Variants in AGBL4 observed in about 807,000 individuals in gnomAD.
The protein encoded by AGBL4 is cytosolic carboxypeptidase 6.
Under a neutral mutation model 66.4 loss-of-function variants are expected in AGBL4, and 58 were observed. That is an observed-to-expected ratio of 0.87 (90% confidence interval 0.71 to 1.09). The LOEUF is 1.09. AGBL4 is among the 50% of genes least tolerant of loss of function. AGBL4 has a pLI of 0.00. For missense variants in AGBL4, 579 were observed against 631.0 expected (o/e 0.92, Z 0.88); for synonymous variants, 234 against 222.9 (o/e 1.05, Z -0.44).
At chr1:49,866,862 T>C (rs1177097223) in intron 1 of AGBL4, among the ~76,000 whole-genome samples, 1 of 152,094 alleles carries the variant, frequency 6.6e-6, no homozygotes, top group African/African-American at 2.4e-5. Flanking sequence ...AACTCCTGGA[T>C]TCGCTGTTCC....
chr1:49,192,280 T>A (rs576277658), intron 4 of AGBL4, among the ~76,000 whole-genome samples: 1 of 152,328 alleles, frequency 6.6e-6, no homozygotes, highest in South Asian at 2.1e-4. Context: ...TATATACTTG[T>A]ATGTCAACAT....
intron 3 of AGBL4, among the ~76,000 whole-genome samples, chr1:49,443,614 T>C (rs759171741): frequency 9.2e-5 from 14 of 151,942 alleles, no homozygotes; most frequent in Admixed American, 2.6e-4. Context: ...TTCTGTTCCA[T>C]TGATCTATGT....
chr1:48,829,471 C>T lies in AGBL4; in HGVS notation c.634+37720G>A, dbSNP rs116204974. Among the ~76,000 whole-genome samples the T allele has an allele frequency of 7.9e-3, 1,198 of 152,288 alleles. 9 individuals carry two copies. The highest frequency in any genetic ancestry group is 0.013 in the Non-Finnish European group (894 of 68,030). On this transcript the variant is annotated intron_variant, in intron 6 of 13. Transcript: ENST00000371839. ...CCTTTCCAAAGGCATCATATATCCC[C>T]CCATTACTGAGATAGGAATGTGCAC...
chr1:49,931,451 A>G (rs1571895263), intron 1 of AGBL4, among the ~76,000 whole-genome samples: 1 of 152,142 alleles, frequency 6.6e-6, no homozygotes, highest in East Asian at 1.9e-4. Flanking sequence ...GGTGAAGGGG[A>G]AACAAGGCAC....
At chr1:49,655,742 C>T (rs1002598721) in intron 3 of AGBL4, among the ~76,000 whole-genome samples, 7 of 152,080 alleles carry the variant, frequency 4.6e-5, no homozygotes, top group Admixed American at 3.3e-4. Flanking sequence ...AAAATCTCTT[C>T]AAAAAATCAA....
chr1:49,898,343 G>C (rs186178712), intron 1 of AGBL4, among the ~76,000 whole-genome samples: 14 of 152,166 alleles, frequency 9.2e-5, no homozygotes, highest in Admixed American at 8.5e-4. Context: ...ACATACAAAT[G>C]ACAAGTAGGC....
intron 4 of AGBL4, among the ~76,000 whole-genome samples, chr1:49,056,063 C>T (rs1644302900): frequency 6.6e-6 from 1 of 152,090 alleles, no homozygotes; most frequent in Admixed American, 6.6e-5. Context: ...TAAAAGTGCT[C>T]CTGTCTCAGT....
chr1:49,890,332 GA>G lies in AGBL4; in HGVS notation c.35-38815del, dbSNP rs758123044. On this transcript the variant is annotated intron_variant, in intron 1 of 13. Transcript: ENST00000371839. ...ATAATTGAGTGCCAACTGCAACTCA[GA>G]AAAGTTCTAAGTGTGGAGACAACAG... Among the ~76,000 whole-genome samples, 9 of 152,238 alleles carry G rather than the reference GA, an allele frequency of 5.9e-5. No individual in the cohort carries two copies. In the East Asian group the frequency reaches 1.4e-3, roughly 23 times the overall value.
intron 4 of AGBL4, among the ~76,000 whole-genome samples, chr1:49,200,038 G>A (rs1222519770): frequency 6.6e-6 from 1 of 152,130 alleles, no homozygotes; most frequent in East Asian, 1.9e-4. Flanking sequence ...AGACTTCCAT[G>A]GGGAGACATG....
intron 3 of AGBL4, among the ~76,000 whole-genome samples, chr1:49,291,880 A>G (rs1276516141): frequency 6.6e-6 from 1 of 152,204 alleles, no homozygotes; most frequent in Non-Finnish European, 1.5e-5. Context: ...TCCCAGGTGC[A>G]GCTGCAGATG....
chr1:48,761,360 C>A (rs954925796), intron 6 of AGBL4: 2 of 1,551,824 alleles, frequency 1.3e-6, no homozygotes, highest in African/African-American at 2.7e-5. Context: ...AGCTGTAAAT[C>A]TTCTTCCCCA....
intron 2 of AGBL4, among the ~76,000 whole-genome samples, chr1:49,707,319 T>C (rs1293884222): frequency 6.6e-6 from 1 of 152,084 alleles, no homozygotes; most frequent in East Asian, 1.9e-4. Context: ...TTTTTTATCT[T>C]TGTTGACTTA....
intron 4 of AGBL4, among the ~76,000 whole-genome samples, chr1:49,099,883 A>G (rs1196681147): frequency 1.3e-5 from 2 of 152,178 alleles, no homozygotes; most frequent in East Asian, 1.9e-4. Context: ...GGCTTCTTCT[A>G]TAACAGAACA....
At chr1:48,988,388 G>A (rs545214165) in intron 5 of AGBL4, among the ~76,000 whole-genome samples, 1 of 152,244 alleles carries the variant, frequency 6.6e-6, no homozygotes, top group East Asian at 1.9e-4. Flanking sequence ...CACAATGCCA[G>A]GCACATGGTA....
intron 4 of AGBL4, among the ~76,000 whole-genome samples, chr1:49,182,360 C>T (rs1646944452): frequency 1.3e-5 from 2 of 152,212 alleles, no homozygotes; most frequent in African/African-American, 4.8e-5. Context: ...CTTGTACCTA[C>T]CACAGGGTAA....
At chr1:49,169,745 G>A (rs1403528146) in intron 4 of AGBL4, among the ~76,000 whole-genome samples, 1 of 152,156 alleles carries the variant, frequency 6.6e-6, no homozygotes, top group Non-Finnish European at 1.5e-5. Context: ...CATACGCCAA[G>A]CCTATAAAGT....
intron 4 of AGBL4, among the ~76,000 whole-genome samples, chr1:49,065,510 T>C (rs1478748733): frequency 2.6e-5 from 4 of 152,334 alleles, no homozygotes; most frequent in South Asian, 4.1e-4. Context: ...GTGGGAATAA[T>C]TGGTGAGAAG....
rs142046742 is a variant in AGBL4, at chr1:49,149,115, A to G, written c.377+96655T>C. 5.9e-5 allele frequency among the ~76,000 whole-genome samples: 9 copies of G among 152,336 alleles called. No homozygotes were observed. The East Asian group carries it at 1.7e-3, about 29-fold the overall frequency. On this transcript the variant is annotated intron_variant, in intron 4 of 13. Coordinates refer to ENST00000371839, the MANE Select transcript of AGBL4 (RefSeq NM_032785.4). ...ATCAAGGTGCTGTCTCCAGGTTTAC[A>G]GCAACTGAAGATAGCATGGGTGGCA...
chr1:49,115,363 G>A (rs1029511358), intron 4 of AGBL4, among the ~76,000 whole-genome samples: 9 of 152,116 alleles, frequency 5.9e-5, no homozygotes, highest in Non-Finnish European at 1.2e-4. Flanking sequence ...AAATTCTATG[G>A]TGTAGTTTTA....
Sources: gnomAD v4.1 joint callset for allele counts (sites outside exome capture counted in the v4.1 genomes callset) on GRCh38, gnomAD v4.1.1 for gene constraint, MANE v1.5 for transcripts, NCBI Gene and HGNC (gene_info 2026-07-23, HGNC 2026-07-21) for gene names.